Variants in ZNF385D observed in about 807,000 individuals in gnomAD.
ZNF385D encodes the protein zinc finger protein 385D, also known as zinc finger protein 659.
A neutral mutation model predicts 35.8 loss-of-function variants in ZNF385D; 15 were observed. The observed-to-expected ratio is 0.42, with a 90% CI of 0.28 to 0.64. ZNF385D has a LOEUF of 0.64. Ranked by LOEUF, ZNF385D falls within the 30% of genes least tolerant of loss-of-function variation. The pLI, the probability that ZNF385D is intolerant of heterozygous loss-of-function variation, is 0.23. For synonymous variants in ZNF385D, 212 were observed against 186.8 expected (o/e 1.13, Z -1.10); for missense variants, 474 against 494.6 (o/e 0.96, Z 0.39).
chr3:22,362,190 C>T (rs1289272871), intron 2 of ZNF385D, among the ~76,000 whole-genome samples: 1 of 151,610 alleles, frequency 6.6e-6, no homozygotes, highest in Non-Finnish European at 1.5e-5. Flanking sequence ...AGTGGTTCTT[C>T]AATTCTTAAG....
chr3:22,070,394 G>A (rs139584060), intron 3 of ZNF385D, among the ~76,000 whole-genome samples: 2 of 152,038 alleles, frequency 1.3e-5, no homozygotes, highest in African/African-American at 2.4e-5. Flanking sequence ...ACATTCCTAA[G>A]TTGTAAAGCT....
At chr3:21,763,727 T>C (rs1400772874) in intron 3 of ZNF385D, among the ~76,000 whole-genome samples, 1 of 152,190 alleles carries the variant, frequency 6.6e-6, no homozygotes, top group African/African-American at 2.4e-5. Context: ...AAATCTGTGA[T>C]GCTGAGAAAT....
intron 2 of ZNF385D, among the ~76,000 whole-genome samples, chr3:22,362,361 A>G (rs1696451457): frequency 6.6e-6 from 1 of 152,076 alleles, no homozygotes; most frequent in African/African-American, 2.4e-5. Flanking sequence ...AAATTATGCC[A>G]CTAATAAAAA....
chr3:22,201,310 C>G (rs1024839681), intron 2 of ZNF385D, among the ~76,000 whole-genome samples: 27 of 152,208 alleles, frequency 1.8e-4, no homozygotes, highest in Middle Eastern at 3.4e-3. Flanking sequence ...ACAAAGTCAA[C>G]TGAGAGAAAA....
chr3:22,324,986 G>A (rs1056883414), intron 2 of ZNF385D, among the ~76,000 whole-genome samples: 1 of 152,176 alleles, frequency 6.6e-6, no homozygotes, highest in Non-Finnish European at 1.5e-5. Context: ...TGTTTCTTTG[G>A]TGAAATGAGG....
chr3:21,832,774 A>T (rs957091749), intron 3 of ZNF385D, among the ~76,000 whole-genome samples: 4 of 152,128 alleles, frequency 2.6e-5, no homozygotes, highest in African/African-American at 9.7e-5. Context: ...GTTGTACTAG[A>T]CATTTCAGGT....
At chr3:21,949,961 G>A (rs1342994000) in intron 3 of ZNF385D, among the ~76,000 whole-genome samples, 2 of 152,080 alleles carry the variant, frequency 1.3e-5, no homozygotes, top group Non-Finnish European at 2.9e-5. Flanking sequence ...TATCATTGAT[G>A]TGCATTTGGG....
At chr3:22,048,278 A>G (rs12107876) in intron 3 of ZNF385D, among the ~76,000 whole-genome samples, 3 of 151,776 alleles carry the variant, frequency 2.0e-5, no homozygotes, top group Non-Finnish European at 4.4e-5. Context: ...AAAAAAGCCT[A>G]TTTTTCCTTT....
At chr3:22,261,499 T>C (rs1436178818) in intron 2 of ZNF385D, among the ~76,000 whole-genome samples, 1 of 151,884 alleles carries the variant, frequency 6.6e-6, no homozygotes, top group Non-Finnish European at 1.5e-5. Context: ...ATTGTAAAAA[T>C]GTAGTGTCAA....
chr3:22,160,242 T>C (rs1404433401), intron 3 of ZNF385D, among the ~76,000 whole-genome samples: 2 of 152,096 alleles, frequency 1.3e-5, no homozygotes, highest in African/African-American at 4.8e-5. Flanking sequence ...CATATACTGA[T>C]ATAGATAAGG....
At chr3:21,482,353 T>C (rs1164488495) in intron 4 of ZNF385D, among the ~76,000 whole-genome samples, 1 of 152,164 alleles carries the variant, frequency 6.6e-6, no homozygotes, top group Non-Finnish European at 1.5e-5. Flanking sequence ...TTATGTATGA[T>C]CTAAGGCTGC....
intron 3 of ZNF385D, among the ~76,000 whole-genome samples, chr3:21,859,147 A>C (rs17688340): frequency 6.6e-6 from 1 of 151,784 alleles, no homozygotes; most frequent in Non-Finnish European, 1.5e-5. Flanking sequence ...TCATTTCTGT[A>C]AATAGTAAGG....
intron 3 of ZNF385D, among the ~76,000 whole-genome samples, chr3:21,809,032 T>C (rs1269886716): frequency 1.3e-5 from 2 of 152,294 alleles, no homozygotes; most frequent in South Asian, 2.1e-4. Flanking sequence ...CAGAGTCTTA[T>C]AACATAAAAT....
At chr3:22,048,867 A>T (rs2125523168) in intron 3 of ZNF385D, among the ~76,000 whole-genome samples, 1 of 152,276 alleles carries the variant, frequency 6.6e-6, no homozygotes, top group Non-Finnish European at 1.5e-5. Flanking sequence ...TAATTCTTTC[A>T]ATTCATGAAC....
chr3:21,618,818 T>A (rs940547295), intron 2 of ZNF385D, among the ~76,000 whole-genome samples: 3 of 152,138 alleles, frequency 2.0e-5, no homozygotes, highest in African/African-American at 7.2e-5. Flanking sequence ...AACTGCAAAC[T>A]TGCTTTTAAT....
chr3:22,084,745 C>T (rs565404492), intron 3 of ZNF385D, among the ~76,000 whole-genome samples: 2 of 152,172 alleles, frequency 1.3e-5, no homozygotes, highest in East Asian at 3.9e-4. Context: ...ATCTACAGAA[C>T]TCTCCACCCC....
At chr3:21,484,996 A>G (rs1001437016) in intron 4 of ZNF385D, among the ~76,000 whole-genome samples, 1 of 152,136 alleles carries the variant, frequency 6.6e-6, no homozygotes, top group Non-Finnish European at 1.5e-5. Context: ...AGGCTGCTAG[A>G]CAGTCCTACC....
chr3:21,759,901 A>C (rs1176108414), intron 3 of ZNF385D, among the ~76,000 whole-genome samples: 1 of 152,176 alleles, frequency 6.6e-6, no homozygotes, highest in Non-Finnish European at 1.5e-5. Flanking sequence ...TAGAGTGAGC[A>C]GAGAGACAGT....
Position 22,141,538 on chromosome 3 carries a change from A to G in ZNF385D, c.325+27279T>C, listed in dbSNP as rs114158633. Among the ~76,000 whole-genome samples the G allele has an allele frequency of 5.5e-3, 843 of 152,272 alleles. 5 individuals are homozygous for G. Among genetic ancestry groups the G allele is most frequent in the African/African-American group, 0.018 (734 of 41,546 alleles). ...GGCCAATCCTCAATTATTTGCACCA[A>G]TGGAGGAAAAGACCATCATGGACTT... On this transcript the variant is annotated intron_variant, in intron 3 of 5. Transcript: ENST00000494108.
Sources: allele counts gnomAD v4.1 joint callset (sites outside exome capture counted in the v4.1 genomes callset), GRCh38; gene constraint gnomAD v4.1.1; transcripts MANE v1.5; gene names NCBI Gene and HGNC (gene_info 2026-07-23, HGNC 2026-07-21).